PRTG: variants seen among roughly 807,000 people sequenced by gnomAD.
PRTG encodes immunoglobulin superfamily, DCC subclass, member 5.
Under a neutral mutation model 122.5 loss-of-function variants are expected in PRTG, and 67 were observed. The observed-to-expected ratio is 0.55, with a 90% CI of 0.45 to 0.67. The LOEUF is 0.67. Among genes scored for constraint, PRTG ranks in the 30% least tolerant of loss-of-function variants. The pLI is 0.00. For synonymous variants in PRTG, 554 were observed against 501.1 expected (o/e 1.11, Z -1.41); for missense variants, 1,435 against 1,415.4 (o/e 1.01, Z -0.22).
chr15:55,717,972 GTCC>G (rs1182350460), intron 2 of PRTG, among the ~76,000 whole-genome samples: 2 of 152,154 alleles, frequency 1.3e-5, no homozygotes, highest in Non-Finnish European at 2.9e-5. Context: ...TCAATCCCCT[GTCC>G]TCCTGCTCTT....
At chr15:55,625,509 T>C (rs1023989161) in intron 17 of PRTG, among the ~76,000 whole-genome samples, 1 of 152,006 alleles carries the variant, frequency 6.6e-6, no homozygotes, top group African/African-American at 2.4e-5. Flanking sequence ...TGGAGTGCAG[T>C]GCTACGATCA....
At chr15:55,695,611 G>A (rs1004383130) in intron 2 of PRTG, among the ~76,000 whole-genome samples, 4 of 152,174 alleles carry the variant, frequency 2.6e-5, no homozygotes, top group African/African-American at 9.7e-5. Context: ...GCACGTTCCA[G>A]AGGCCTCAGT....
intron 11 of PRTG, among the ~76,000 whole-genome samples, chr15:55,651,996 G>A (rs1222818923): frequency 6.6e-6 from 1 of 152,128 alleles, no homozygotes; most frequent in Non-Finnish European, 1.5e-5. Context: ...CTTTAGGAAT[G>A]CCCTCTGCCA....
intron 11 of PRTG, among the ~76,000 whole-genome samples, chr15:55,671,951 C>G (rs965163487): frequency 6.6e-6 from 1 of 152,144 alleles, no homozygotes; most frequent in Non-Finnish European, 1.5e-5. Context: ...TGCTTTTTCT[C>G]CAGTGTTCCT....
intron 17 of PRTG, among the ~76,000 whole-genome samples, chr15:55,626,033 G>T (rs1595601182): frequency 6.6e-6 from 1 of 152,144 alleles, no homozygotes; most frequent in Non-Finnish European, 1.5e-5. Context: ...GATTACCAAG[G>T]TGTGATACCA....
At chr15:55,632,252 C>G (rs1427971000) in intron 15 of PRTG, among the ~76,000 whole-genome samples, 8 of 152,160 alleles carry the variant, frequency 5.3e-5, no homozygotes, top group African/African-American at 1.9e-4. Context: ...TTTTCTGATG[C>G]CCCACATCAA....
chr15:55,680,459 A>G (rs1050892570), intron 5 of PRTG, 32 bp downstream of exon 5: 4 of 1,529,690 alleles, frequency 2.6e-6, no homozygotes, highest in Non-Finnish European at 3.5e-6. Context: ...TTTAAGGAAA[A>G]GACTTTTTTT....
At chr15:55,709,314 T>C (rs2244002) in intron 2 of PRTG, among the ~76,000 whole-genome samples, 143,257 of 147,030 alleles carry the variant, frequency 0.97, 69,901 homozygotes, top group Non-Finnish European at 1. Flanking sequence ...AAGAAAGTGC[T>C]GACAAGTTTT....
At chr15:55,729,949 G>A (rs2031171421) in intron 2 of PRTG, among the ~76,000 whole-genome samples, 1 of 152,090 alleles carries the variant, frequency 6.6e-6, no homozygotes, top group East Asian at 1.9e-4. Context: ...AAGCGTTACA[G>A]GACAGCTGAA....
chr15:55,660,155 C>T (rs1390778482), intron 11 of PRTG, among the ~76,000 whole-genome samples: 2 of 152,032 alleles, frequency 1.3e-5, no homozygotes, highest in Admixed American at 6.5e-5. Context: ...AAAATATTTT[C>T]CTCCAGGAAG....
chr15:55,667,262 T>C lies in PRTG; in HGVS notation c.2041+5183A>G, dbSNP rs79903784. Reference sequence around the variant, plus strand: ...TAATTCTTATATAGCTCTTACAGTTTCATCAATCTGTAAACACTTTATTTT... The same window carrying C: ...TAATTCTTATATAGCTCTTACAGTTCCATCAATCTGTAAACACTTTATTTT... On this transcript the variant is annotated intron_variant, in intron 11 of 19. Transcript: ENST00000389286. 9.0e-3 allele frequency among the ~76,000 whole-genome samples: 1,368 copies of C among 152,182 alleles called. 14 individuals are homozygous for C. The highest frequency in any genetic ancestry group is 0.011 in the Non-Finnish European group (725 of 67,986).
intron 2 of PRTG, among the ~76,000 whole-genome samples, chr15:55,692,269 T>C (rs1161971312): frequency 6.6e-6 from 1 of 151,922 alleles, no homozygotes; most frequent in African/African-American, 2.4e-5. Flanking sequence ...AGTTTAGAGG[T>C]AGGGAGACTA....
At chr15:55,689,877 G>A (rs956071540) in intron 2 of PRTG, among the ~76,000 whole-genome samples, 12 of 151,012 alleles carry the variant, frequency 7.9e-5, no homozygotes, top group African/African-American at 1.2e-4. Context: ...GCAGTGAGCC[G>A]AGATTGCACC....
chr15:55,653,112 T>C (rs1420230469), intron 11 of PRTG, among the ~76,000 whole-genome samples: 2 of 152,210 alleles, frequency 1.3e-5, no homozygotes, highest in South Asian at 2.1e-4. Flanking sequence ...ATGATGACTA[T>C]GTCAAAATGT....
intron 2 of PRTG, among the ~76,000 whole-genome samples, chr15:55,732,956 A>C (rs1038566462): frequency 3.9e-5 from 6 of 152,214 alleles, no homozygotes; most frequent in Admixed American, 1.3e-4. Context: ...TCATGCCTGT[A>C]ATCTCAGCAC....
At chr15:55,656,297 GT>G (rs1203131130) in intron 11 of PRTG, 2 of 450,614 alleles carry the variant, frequency 4.4e-6, no homozygotes, top group African/African-American at 4.0e-5. Flanking sequence ...CAGTTGAGCT[GT>G]TTTGTGGAAT....
chr15:55,627,492 GTTTTTTTTT>G (rs35022592), intron 16 of PRTG, among the ~76,000 whole-genome samples: 2 of 104,774 alleles, frequency 1.9e-5, no homozygotes, highest in Admixed American at 1.0e-4. Flanking sequence ...GCCCAGCTAA[GTTTTTTTTT>G]TTTTTTTTTT....
rs74360451 is a variant in PRTG, at chr15:55,654,262, G to C, written c.2042-13054C>G. ...AGGGTTGATATCTCCTTTGGTTAGG[G>C]AAGAGAAAAAGAAAAGAACACTTCA... On this transcript the variant is annotated intron_variant, in intron 11 of 19. Transcript: ENST00000389286. Among the ~76,000 whole-genome samples the C allele has an allele frequency of 4.3e-3, 658 of 152,232 alleles. 1 individual carries two copies. Among genetic ancestry groups the C allele is most frequent in the African/African-American group, 0.015 (633 of 41,546 alleles).
intron 11 of PRTG, among the ~76,000 whole-genome samples, chr15:55,661,455 T>C (rs2059409041): frequency 6.6e-6 from 1 of 152,200 alleles, no homozygotes; most frequent in Non-Finnish European, 1.5e-5. Flanking sequence ...CTTACTTTAT[T>C]TAGGGTTCTT....
Sources: allele counts gnomAD v4.1 joint callset (sites outside exome capture counted in the v4.1 genomes callset), GRCh38; gene constraint gnomAD v4.1.1; transcripts MANE v1.5; gene names NCBI Gene and HGNC (gene_info 2026-07-23, HGNC 2026-07-21).